Variants in BTBD9 observed in about 807,000 individuals in gnomAD.
BTBD9 encodes the protein BTB/POZ domain-containing protein 9.
A neutral mutation model predicts 64.3 loss-of-function variants in BTBD9; 49 were observed. That is an observed-to-expected ratio of 0.76 (90% confidence interval 0.61 to 0.97). The LOEUF is 0.97. Among genes scored for constraint, BTBD9 ranks in the 50% least tolerant of loss-of-function variants. The pLI, the probability that BTBD9 is intolerant of heterozygous loss-of-function variation, is 0.00. For missense variants in BTBD9, 598 were observed against 762.1 expected, an observed-to-expected ratio of 0.78 and a Z score of 2.53; for synonymous variants, 260 against 274.7, an observed-to-expected ratio of 0.95 and a Z score of 0.53.
At chr6:38,434,798 T>C (rs1768633267) in intron 6 of BTBD9, among the ~76,000 whole-genome samples, 1 of 152,038 alleles carries the variant, frequency 6.6e-6, no homozygotes, top group Admixed American at 6.5e-5. Context: ...TTGTTTTATA[T>C]AGACAGATAT....
intron 6 of BTBD9, among the ~76,000 whole-genome samples, chr6:38,564,620 G>A (rs980509806): frequency 2.0e-5 from 3 of 152,156 alleles, no homozygotes; most frequent in African/African-American, 7.2e-5. Context: ...CGAGCACGGT[G>A]ACTCACGCCT....
At chr6:38,524,517 C>T (rs1452031819) in intron 6 of BTBD9, among the ~76,000 whole-genome samples, 1 of 152,120 alleles carries the variant, frequency 6.6e-6, no homozygotes, top group African/African-American at 2.4e-5. Context: ...ACCTTGACCA[C>T]AAAATTATCT....
At chr6:38,206,434 T>A (rs2127496191) in intron 9 of BTBD9, among the ~76,000 whole-genome samples, 1 of 152,028 alleles carries the variant, frequency 6.6e-6, no homozygotes, top group East Asian at 1.9e-4. Flanking sequence ...AGAGATGGGG[T>A]TTCACCATCT....
At chr6:38,203,026 A>G (rs1477725348) in intron 9 of BTBD9, among the ~76,000 whole-genome samples, 1 of 152,214 alleles carries the variant, frequency 6.6e-6, no homozygotes, top group African/African-American at 2.4e-5. Context: ...ATGAATAGAC[A>G]CTTTTCAAAA....
intron 1 of BTBD9, among the ~76,000 whole-genome samples, chr6:38,630,594 G>A (rs1778330289): frequency 6.6e-6 from 1 of 152,164 alleles, no homozygotes; most frequent in Non-Finnish European, 1.5e-5. Flanking sequence ...AGAATTCTTT[G>A]TACTATTCCA....
intron 8 of BTBD9, among the ~76,000 whole-genome samples, chr6:38,287,334 G>T (rs1260357174): frequency 1.3e-5 from 2 of 151,102 alleles, no homozygotes; most frequent in Non-Finnish European, 2.9e-5. Context: ...ATTGAGATGA[G>T]ACCTTGTAAT....
chr6:38,528,189 G>A (rs1483889241), intron 6 of BTBD9, among the ~76,000 whole-genome samples: 1 of 152,068 alleles, frequency 6.6e-6, no homozygotes, highest in East Asian at 1.9e-4. Context: ...AAGCAGCACT[G>A]GGCAGAACTC....
At chr6:38,505,964 C>CAACAAAAAAAAAAA (rs1175511241) in intron 6 of BTBD9, among the ~76,000 whole-genome samples, 3 of 82,628 alleles carry the variant, frequency 3.6e-5, no homozygotes, top group African/African-American at 1.2e-4. Context: ...TCCGTCTCAA[C>CAACAAAAAAAAAAA]AAAAAAAAAA....
Position 38,599,314 on chromosome 6 carries a change from C to G in BTBD9, c.-27-1193G>C, listed in dbSNP as rs560977130. On this transcript the variant is annotated intron_variant, in intron 1 of 10. Coordinates refer to ENST00000481247, the MANE Select transcript of BTBD9 (RefSeq NM_001099272.2). The stretch of plus-strand genomic sequence containing the variant: ...CAGGTACTTAAAAAAAAAAGTTGGT[C>G]TTGTTCTGTTGCCCAGGCTGTAGTG... Among the ~76,000 whole-genome samples the G allele has an allele frequency of 1.7e-3, 253 of 152,080 alleles. 1 individual carries two copies. The highest frequency in any genetic ancestry group is 5.5e-3 in the African/African-American group (227 of 41,462).
chr6:38,466,209 A>G (rs1314688030), intron 6 of BTBD9, among the ~76,000 whole-genome samples: 3 of 150,300 alleles, frequency 2.0e-5, no homozygotes, highest in African/African-American at 7.3e-5. Flanking sequence ...TTAGTCTTTT[A>G]ATATCTATGG....
intron 3 of BTBD9, among the ~76,000 whole-genome samples, chr6:38,593,363 T>C (rs1776894093): frequency 6.6e-6 from 1 of 152,188 alleles, no homozygotes; most frequent in African/African-American, 2.4e-5. Flanking sequence ...CAGATCTTAA[T>C]TTACACTCAA....
chr6:38,578,783 G>A (rs966637558), intron 5 of BTBD9, among the ~76,000 whole-genome samples: 2 of 152,182 alleles, frequency 1.3e-5, no homozygotes, highest in Admixed American at 1.3e-4. Flanking sequence ...GAAAAGAACT[G>A]TTATGTGGTA....
chr6:38,215,197 T>C (rs1762970428), intron 9 of BTBD9, among the ~76,000 whole-genome samples: 1 of 152,218 alleles, frequency 6.6e-6, no homozygotes, highest in South Asian at 2.1e-4. Context: ...AATAAATTTG[T>C]CATCATTTTA....
intron 9 of BTBD9, among the ~76,000 whole-genome samples, chr6:38,197,097 A>C (rs1762293252): frequency 6.6e-6 from 1 of 152,212 alleles, no homozygotes; most frequent in African/African-American, 2.4e-5. Context: ...GAAAGTTAAA[A>C]TAACGGGCCA....
chr6:38,387,464 G>A (rs987139873), intron 6 of BTBD9, among the ~76,000 whole-genome samples: 3 of 152,176 alleles, frequency 2.0e-5, no homozygotes, highest in Non-Finnish European at 4.4e-5. Context: ...TTGAGCCTGG[G>A]AGGCAGAGGT....
At position 38,594,229 on chromosome 6, in the gene BTBD9, A is replaced by C. The variant is rs1007801055; in HGVS notation, c.284T>G (p.Ile95Ser). 1.9e-6 allele frequency: 3 copies of C among 1,614,082 alleles called. No homozygotes were observed. Among genetic ancestry groups the C allele is most frequent in the Admixed American group, 3.3e-5 (2 of 60,002 alleles). ...AEAFTMLLKY[I>S]YTGRATLTDE... ...TGTCAGCGTTGCCCGCCCAGTGTAG[A>C]TATATTTGAGTAGCATTGTGAATGC... Residue 95 changes from isoleucine (I) to serine (S), a missense_variant, in exon 3 of 11, where the codon ATC becomes AGC. Physicochemically the swap from Ile to Ser is moderately radical, Grantham distance 142. Transcript: ENST00000481247.
intron 6 of BTBD9, among the ~76,000 whole-genome samples, chr6:38,460,489 C>A (rs148986842): frequency 4.6e-5 from 7 of 152,158 alleles, no homozygotes; most frequent in African/African-American, 1.7e-4. Flanking sequence ...AATATAAGAA[C>A]AATAGGACAC....
chr6:38,223,052 C>T (rs956682278), intron 9 of BTBD9, among the ~76,000 whole-genome samples: 4 of 152,086 alleles, frequency 2.6e-5, no homozygotes, highest in South Asian at 4.1e-4. Context: ...ATTACAGGTT[C>T]CTGCCACCAC....
intron 6 of BTBD9, among the ~76,000 whole-genome samples, chr6:38,379,853 A>G (rs1298245503): frequency 6.6e-6 from 1 of 152,252 alleles, no homozygotes; most frequent in Non-Finnish European, 1.5e-5. Context: ...AGGAATGCAC[A>G]GGAGACGGCA....
Sources: gnomAD v4.1 joint callset for allele counts (sites outside exome capture counted in the v4.1 genomes callset) on GRCh38, gnomAD v4.1.1 for gene constraint, MANE v1.5 for transcripts, NCBI Gene and HGNC (gene_info 2026-07-23, HGNC 2026-07-21) for gene names.